R3HDM1: variants seen among roughly 807,000 people sequenced by gnomAD.
The protein encoded by R3HDM1 is R3H domain containing 1.
R3HDM1 carries 46 observed loss-of-function variants against 141.1 expected under a neutral mutation model. The observed-to-expected ratio is 0.33, with a 90% confidence interval of 0.26 to 0.42. R3HDM1 has a LOEUF of 0.42. R3HDM1 is among the 10% of genes least tolerant of loss of function. The pLI is 1.00. For synonymous variants in R3HDM1, 435 were observed against 472.9 expected (o/e 0.92, Z 1.04); for missense variants, 1,184 against 1,368.3 (o/e 0.87, Z 2.12).
chr2:135,605,117 G>C, intron 3 of R3HDM1, 101 bp downstream of exon 3: 7 of 1,068,668 alleles, frequency 6.6e-6, no homozygotes, highest in Non-Finnish European at 9.2e-6. Context: ...AAAAGGGTAA[G>C]TTGACCCTTC....
chr2:135,718,804 C>A (rs2076411608), intron 24 of R3HDM1, among the ~76,000 whole-genome samples: 1 of 152,032 alleles, frequency 6.6e-6, no homozygotes, highest in African/African-American at 2.4e-5. Flanking sequence ...TTATTTTCTC[C>A]TTCGTAATTC....
intron 21 of R3HDM1, among the ~76,000 whole-genome samples, chr2:135,687,222 C>G (rs986653409): frequency 1.3e-5 from 2 of 152,096 alleles, no homozygotes; most frequent in African/African-American, 4.8e-5. Flanking sequence ...AATAGTCAAA[C>G]TTGTAGAAGC....
chr2:135,641,512 T>C lies in R3HDM1; in HGVS notation c.1220-24T>C, dbSNP rs187398257. 31 of 1,569,726 alleles carry C rather than the reference T, an allele frequency of 2.0e-5. No homozygotes were observed. In the East Asian group the frequency reaches 5.4e-4, roughly 27 times the overall value. ...TTTTATATGAGGTTTAAAAAATCCATATTTTTCATTACTCCTCTTCTAGGT... is the reference window on the plus strand; with the variant it reads ...TTTTATATGAGGTTTAAAAAATCCACATTTTTCATTACTCCTCTTCTAGGT... On this transcript the variant is annotated intron_variant, in intron 14 of 26. Coordinates refer to ENST00000683871, the MANE Select transcript of R3HDM1 (RefSeq NM_001378107.1).
At chr2:135,542,143 G>T (rs1697735377) in intron 1 of R3HDM1, among the ~76,000 whole-genome samples, 1 of 152,136 alleles carries the variant, frequency 6.6e-6, no homozygotes, top group East Asian at 1.9e-4. Flanking sequence ...TTCAGGTGTG[G>T]AATTTTCTAC....
At chr2:135,698,140 G>A (rs2073555564) in intron 21 of R3HDM1, among the ~76,000 whole-genome samples, 1 of 151,118 alleles carries the variant, frequency 6.6e-6, no homozygotes, top group Non-Finnish European at 1.5e-5. Flanking sequence ...GGGAAGGCAG[G>A]GATACTTCTT....
chr2:135,703,803 T>A (rs1285897152), intron 21 of R3HDM1, among the ~76,000 whole-genome samples: 1 of 152,116 alleles, frequency 6.6e-6, no homozygotes, highest in Non-Finnish European at 1.5e-5. Flanking sequence ...ATAGTCAAAT[T>A]CTGATTAATT....
At position 135,709,489 on chromosome 2, in the gene R3HDM1, C is replaced by T. The variant is rs200294484; in HGVS notation, c.2516C>T (p.Thr839Ile). The T allele has an allele frequency of 6.2e-7, 1 of 1,614,174 alleles. No homozygotes were observed. The highest frequency in any genetic ancestry group is 1.3e-5 in the African/African-American group (1 of 75,040). The change falls in exon 22 of 27, where the codon ACC becomes ATC. Residue 839 changes from threonine (T) to isoleucine (I), a missense_variant. Physicochemically the swap from Thr to Ile is moderately conservative, Grantham distance 89 (BLOSUM62 -1). This residue lies in a region of R3HDM1 where 563 missense variants were observed against 562.0 expected (regional missense o/e 1.00). Coordinates refer to ENST00000683871, the MANE Select transcript of R3HDM1 (RefSeq NM_001378107.1). The stretch of plus-strand genomic sequence containing the variant: ...TCAGAACAAGTACAATTTCCTCGAA[C>T]CACTTCACCATGCAGTTCCCAGCAG... ...PGSEQVQFPR[T>I]TSPCSSQQLQ...
chr2:135,672,673 A>G lies in R3HDM1; in HGVS notation c.2153-2659A>G, dbSNP rs79574989. Among the ~76,000 whole-genome samples the G allele has an allele frequency of 1.8e-3, 272 of 152,240 alleles. 7 individuals are homozygous for G. In the South Asian group the frequency reaches 0.033, roughly 19 times the overall value. On this transcript the variant is annotated intron_variant, in intron 19 of 26. Coordinates refer to ENST00000683871, the MANE Select transcript of R3HDM1 (RefSeq NM_001378107.1). Reference sequence around the variant, plus strand: ...AACAAATGACTAGATGCTGAGATCAACTGTTTTATATTTCATGTCAAATTT... The same window carrying G: ...AACAAATGACTAGATGCTGAGATCAGCTGTTTTATATTTCATGTCAAATTT...
chr2:135,655,492 T>TTTG lies in R3HDM1; in HGVS notation c.2028+3487_2028+3489dup, dbSNP rs543591380. Among the ~76,000 whole-genome samples the TTTG allele has an allele frequency of 6.7e-3, 1,016 of 151,488 alleles. 7 individuals are homozygous for TTTG. The highest frequency in any genetic ancestry group is 0.021 in the African/African-American group (845 of 41,210). The stretch of plus-strand genomic sequence containing the variant: ...TCTTTTTCTTTTTCTTTTTTTTGTT[T>TTTG]TTGTTGTTGTTGTTGTTGTTGTTGT... On this transcript the variant is annotated intron_variant, in intron 18 of 26. Transcript: ENST00000683871.
rs200737075 is a variant in R3HDM1, at chr2:135,569,726, T to G, written c.-249-32774T>G. Among the ~76,000 whole-genome samples the G allele has an allele frequency of 6.6e-3, 968 of 145,918 alleles. 23 individuals carry two copies. The highest frequency in any genetic ancestry group is 0.051 in the East Asian group (258 of 5,058). On this transcript the variant is annotated intron_variant, in intron 1 of 26. Transcript: ENST00000683871. ...CTTTCATATAGTAAGCTCTTTTTTT[T>G]TTGTTGTTGTTTTTTTTGGAGAGGG...
intron 26 of R3HDM1, among the ~76,000 whole-genome samples, chr2:135,722,923 T>G (rs2076833583): frequency 6.6e-6 from 1 of 152,084 alleles, no homozygotes; most frequent in Non-Finnish European, 1.5e-5. Context: ...ACCTTCAAGT[T>G]TATATTTTAA....
At chr2:135,618,239 C>T (rs2105165325) in intron 5 of R3HDM1, among the ~76,000 whole-genome samples, 1 of 151,198 alleles carries the variant, frequency 6.6e-6, no homozygotes, top group Middle Eastern at 3.4e-3. Context: ...TCTCAGCCCA[C>T]TGCAACCTCC....
chr2:135,533,980 A>C (rs1457040829), intron 1 of R3HDM1: 1 of 984,880 alleles, frequency 1.0e-6, no homozygotes, highest in Non-Finnish European at 1.2e-6. Flanking sequence ...ATGCATATTT[A>C]GAGAATGGGT....
intron 1 of R3HDM1, chr2:135,559,197 G>A (rs536621130): frequency 7.0e-6 from 2 of 287,700 alleles, no homozygotes; most frequent in African/African-American, 2.2e-5. Context: ...CTGCAGTCTC[G>A]ACCTTCTGGG....
At chr2:135,562,218 C>T (rs1701931134) in intron 1 of R3HDM1, among the ~76,000 whole-genome samples, 1 of 152,156 alleles carries the variant, frequency 6.6e-6, no homozygotes. Context: ...AGGAATGAGG[C>T]GTATGGGCAT....
At chr2:135,534,006 T>C (rs947476726) in intron 1 of R3HDM1, 3 of 985,254 alleles carry the variant, frequency 3.0e-6, no homozygotes, top group Non-Finnish European at 1.2e-6. Context: ...GTTCATATGC[T>C]GAGGGTGTTG....
chr2:135,695,061 C>G (rs1039474341), intron 21 of R3HDM1, among the ~76,000 whole-genome samples: 2 of 152,224 alleles, frequency 1.3e-5, no homozygotes, highest in South Asian at 2.1e-4. Flanking sequence ...TGCCCGCCCC[C>G]CAAAAGCATT....
At chr2:135,578,888 G>A (rs1360235538) in intron 1 of R3HDM1, among the ~76,000 whole-genome samples, 1 of 152,152 alleles carries the variant, frequency 6.6e-6, no homozygotes, top group Admixed American at 6.6e-5. Flanking sequence ...AATTAACCCT[G>A]TGTTCATTGA....
At chr2:135,587,209 A>G (rs933232471) in intron 1 of R3HDM1, among the ~76,000 whole-genome samples, 4 of 152,184 alleles carry the variant, frequency 2.6e-5, no homozygotes, top group Non-Finnish European at 5.9e-5. Context: ...TGATTCCTCA[A>G]AAGTGAAATC....
Sources: gnomAD v4.1 joint callset for allele counts (sites outside exome capture counted in the v4.1 genomes callset) on GRCh38, gnomAD v4.1.1 for gene constraint, gnomAD v4.1.1 regional missense constraint, MANE v1.5 for transcripts, NCBI Gene and HGNC (gene_info 2026-07-23, HGNC 2026-07-21) for gene names.